Variants in GALNTL6 observed in about 807,000 individuals in gnomAD.
GALNTL6 encodes polypeptide N-acetylgalactosaminyltransferase-like 6.
In GALNTL6, 46 loss-of-function variants were observed where a neutral mutation model predicts 73.7. That is an observed-to-expected ratio of 0.62 (90% CI 0.49 to 0.80). GALNTL6 has a LOEUF of 0.80. GALNTL6 is among the 30% of genes least tolerant of loss of function. The pLI is 0.00. For missense variants in GALNTL6, 604 were observed against 755.0 expected (o/e 0.80, Z 2.34); for synonymous variants, 259 against 263.7 (o/e 0.98, Z 0.17).
chr4:172,876,092 G>A (rs1412456960), intron 7 of GALNTL6, among the ~76,000 whole-genome samples: 1 of 152,072 alleles, frequency 6.6e-6, no homozygotes, highest in African/African-American at 2.4e-5. Context: ...TATATAATTG[G>A]TACTGACATA....
intron 2 of GALNTL6, among the ~76,000 whole-genome samples, chr4:171,861,782 T>C (rs1428866257): frequency 6.6e-6 from 1 of 152,172 alleles, no homozygotes; most frequent in Non-Finnish European, 1.5e-5. Flanking sequence ...TTTGTTTGTG[T>C]AGAGCAGGTA....
intron 2 of GALNTL6, among the ~76,000 whole-genome samples, chr4:171,909,050 C>A (rs865971609): frequency 6.7e-6 from 1 of 149,406 alleles, no homozygotes; most frequent in African/African-American, 2.5e-5. Context: ...TGCTAGATGA[C>A]GAGTTAGTGG....
At chr4:172,282,666 CAA>C (rs202167171) in intron 3 of GALNTL6, among the ~76,000 whole-genome samples, 17 of 123,486 alleles carry the variant, frequency 1.4e-4, no homozygotes, top group South Asian at 2.7e-4. Context: ...TGAAATGGGG[CAA>C]AAAAAAAAAA....
chr4:172,187,594 T>G (rs1428550844), intron 2 of GALNTL6, among the ~76,000 whole-genome samples: 2 of 152,218 alleles, frequency 1.3e-5, no homozygotes, highest in East Asian at 3.9e-4. Flanking sequence ...CCTTAACCTT[T>G]GCAGTGACAA....
rs556469513 is a variant in GALNTL6, at chr4:172,609,890, A to G, written c.554-199471A>G. ...TTTGCAGCTTGTTATTGGTCTGTTC[A>G]GGGATTCAATTTTTTTCCTGGCTCA... On this transcript the variant is annotated intron_variant, in intron 5 of 12. Transcript: ENST00000506823. Among the ~76,000 whole-genome samples, 150 of 151,756 alleles carry G rather than the reference A, an allele frequency of 9.9e-4. 1 individual carries two copies. The highest frequency in any genetic ancestry group is 3.5e-3 in the African/African-American group (146 of 41,354).
At chr4:172,101,219 A>T (rs1732507803) in intron 2 of GALNTL6, among the ~76,000 whole-genome samples, 1 of 151,870 alleles carries the variant, frequency 6.6e-6, no homozygotes, top group Non-Finnish European at 1.5e-5. Flanking sequence ...TACAACTCTA[A>T]CCCAGGTTAC....
At chr4:172,916,097 C>T (rs1747492090) in intron 8 of GALNTL6, among the ~76,000 whole-genome samples, 1 of 152,100 alleles carries the variant, frequency 6.6e-6, no homozygotes, top group Non-Finnish European at 1.5e-5. Flanking sequence ...TCAACATATG[C>T]AAATCAATAA....
chr4:172,756,960 A>C (rs576233511), intron 5 of GALNTL6, among the ~76,000 whole-genome samples: 1 of 152,332 alleles, frequency 6.6e-6, no homozygotes, highest in East Asian at 1.9e-4. Context: ...CTTTTTTAAG[A>C]TATTGCTAGA....
At chr4:172,897,147 GC>G (rs2111229230) in intron 8 of GALNTL6, among the ~76,000 whole-genome samples, 1 of 152,350 alleles carries the variant, frequency 6.6e-6, no homozygotes, top group Non-Finnish European at 1.5e-5. Context: ...CTGAGACTGA[GC>G]CCCCTCGGGG....
At chr4:172,763,201 A>G (rs1041343517) in intron 5 of GALNTL6, among the ~76,000 whole-genome samples, 2 of 152,166 alleles carry the variant, frequency 1.3e-5, no homozygotes, top group Non-Finnish European at 2.9e-5. Flanking sequence ...AATTGAAAAA[A>G]AAAAACAAAA....
At chr4:171,976,552 T>C (rs1739727322) in intron 2 of GALNTL6, among the ~76,000 whole-genome samples, 2 of 152,310 alleles carry the variant, frequency 1.3e-5, no homozygotes, top group South Asian at 4.1e-4. Context: ...AGCTGAGAGA[T>C]ATTGGTAAAG....
chr4:172,139,776 C>T (rs1234354489), intron 2 of GALNTL6, among the ~76,000 whole-genome samples: 3 of 152,146 alleles, frequency 2.0e-5, no homozygotes, highest in African/African-American at 7.2e-5. Flanking sequence ...GAAGCAACTA[C>T]CCTGTTCTTT....
At chr4:172,482,205 G>A (rs1288302771) in intron 5 of GALNTL6, among the ~76,000 whole-genome samples, 1 of 152,212 alleles carries the variant, frequency 6.6e-6, no homozygotes, top group Non-Finnish European at 1.5e-5. Flanking sequence ...CGGAACTCGC[G>A]CTGGCCCAGG....
intron 5 of GALNTL6, among the ~76,000 whole-genome samples, chr4:172,641,999 A>G (rs1006080670): frequency 1.3e-5 from 2 of 152,118 alleles, no homozygotes; most frequent in Non-Finnish European, 2.9e-5. Flanking sequence ...ACTAATCATC[A>G]GGGAAATGAA....
intron 2 of GALNTL6, among the ~76,000 whole-genome samples, chr4:172,198,221 A>G (rs1374709802): frequency 6.6e-6 from 1 of 152,154 alleles, no homozygotes; most frequent in Non-Finnish European, 1.5e-5. Flanking sequence ...GTCAAAAGCA[A>G]TTGCAGCAAA....
At chr4:172,667,885 C>A (rs151003746) in intron 5 of GALNTL6, 1 of 152,292 alleles carries the variant, frequency 6.6e-6, no homozygotes, top group Non-Finnish European at 1.5e-5. Context: ...ACTTCCCTAA[C>A]TTTTTAGGAA....
intron 5 of GALNTL6, among the ~76,000 whole-genome samples, chr4:172,452,001 ACT>A (rs1282219829): frequency 2.6e-5 from 4 of 152,084 alleles, no homozygotes; most frequent in African/African-American, 7.2e-5. Flanking sequence ...ACAGAGTAAG[ACT>A]CTGTCTCAAA....
intron 8 of GALNTL6, among the ~76,000 whole-genome samples, chr4:172,883,227 TC>T (rs1396718682): frequency 6.6e-6 from 1 of 152,190 alleles, no homozygotes; most frequent in Non-Finnish European, 1.5e-5. Context: ...ACATTGCAAT[TC>T]TTCTCCTCTA....
intron 2 of GALNTL6, among the ~76,000 whole-genome samples, chr4:172,142,991 G>A (rs1445702382): frequency 1.3e-5 from 2 of 152,000 alleles, no homozygotes; most frequent in Middle Eastern, 3.4e-3. Context: ...TTTAATGTAT[G>A]TATGTATGGA....
Sources: allele counts gnomAD v4.1 joint callset (sites outside exome capture counted in the v4.1 genomes callset), GRCh38; gene constraint gnomAD v4.1.1; transcripts MANE v1.5; gene names NCBI Gene and HGNC (gene_info 2026-07-23, HGNC 2026-07-21).